The following C5AR2 variants were observed in gnomAD, a reference collection of about 807,000 sequenced individuals.
C5AR2 encodes C5a anaphylatoxin chemotactic receptor 2.
For missense variants in C5AR2, 458 were observed against 467.5 expected (o/e 0.98, Z 0.19); for synonymous variants, 224 against 216.5 (o/e 1.03, Z -0.30).
At chr19:47,338,262 G>A (rs1307950380) in intron 1 of C5AR2, among the ~76,000 whole-genome samples, 1 of 70,984 alleles carries the variant, frequency 1.4e-5, no homozygotes, top group African/African-American at 6.0e-5. Flanking sequence ...GCAAGATGGC[G>A]AGACCCTGTC....
chr19:47,341,628 G>T lies in C5AR2; in HGVS notation c.829G>T (p.Val277Leu), dbSNP rs758850692. ...GGCCCTGCGGGCTGAACCCCTCATCGTGGGCCTTGCCCTCGCTCACAGCTG... is the reference window on the plus strand; with the variant it reads ...GGCCCTGCGGGCTGAACCCCTCATCTTGGGCCTTGCCCTCGCTCACAGCTG... The part of the protein sequence containing the change: ...ARALRAEPLI[V>L]GLALAHSCLN... The change falls in exon 2 of 2, where the codon GTG (valine) becomes TTG (leucine). Residue 277 changes from valine (V) to leucine (L), a missense_variant. Physicochemically the swap from Val to Leu is conservative, Grantham distance 32 (BLOSUM62 1). Transcript: ENST00000595464. This position sits in a 1 kb window ranked among gnomAD's most constrained non-coding sequence, Gnocchi z 4.6. 1 of 1,613,968 alleles carries T rather than the reference G, an allele frequency of 6.2e-7. No individual in the cohort carries two copies. Among genetic ancestry groups the T allele is most frequent in the Non-Finnish European group, 8.5e-7 (1 of 1,179,992 alleles).
chr19:47,336,418 CTCTTTCTT>C (rs148272302), intron 1 of C5AR2, among the ~76,000 whole-genome samples: 1 of 105,006 alleles, frequency 9.5e-6, no homozygotes, highest in Non-Finnish European at 1.9e-5. Flanking sequence ...AAATGCTGTA[CTCTTTCTT>C]TCTTTCTTTC....
At chr19:47,335,771 C>T (rs544951212) in intron 1 of C5AR2, among the ~76,000 whole-genome samples, 4 of 23,030 alleles carry the variant, frequency 1.7e-4, no homozygotes, top group Non-Finnish European at 2.7e-4. Context: ...TACTCCGTCT[C>T]AAAAAAAAAA....
In C5AR2 at chr19:47,341,357, T is replaced by G; in HGVS notation, c.558T>G (p.Cys186Trp). 1.9e-6 allele frequency: 3 copies of G among 1,612,356 alleles called. No individual in the cohort carries two copies. Among genetic ancestry groups the G allele is most frequent in the Non-Finnish European group, 2.5e-6 (3 of 1,179,874 alleles). The change falls in exon 2 of 2, where the codon TGT (cysteine) becomes TGG (tryptophan). Residue 186 changes from cysteine to tryptophan, a missense_variant. Physicochemically the swap from Cys to Trp is radical, Grantham distance 215. Transcript: ENST00000595464. This position sits in a 1 kb window ranked among gnomAD's most constrained non-coding sequence, Gnocchi z 4.6. ...AGCACTTCCCAGCCCGGCTGCAGTG[T>G]GTGGTGGACTACGGCGGCTCCTCCA... The part of the protein sequence containing the change: ...HQEHFPARLQ[C>W]VVDYGGSSST...
chr19:47,345,164 T>G lies in C5AR2; in HGVS notation c.*3351T>G, dbSNP rs1030437430. Reference sequence around the variant, plus strand: ...CAGCTCCTGTTCAAGATGGAGTCACTCTGGTTCACATGCCTCTGACATTTC... The same window carrying G: ...CAGCTCCTGTTCAAGATGGAGTCACGCTGGTTCACATGCCTCTGACATTTC... On this transcript the variant is annotated 3_prime_UTR_variant, in exon 2 of 2. Transcript: ENST00000595464. The G allele has an allele frequency of 2.0e-5, 3 of 152,560 alleles. No individual in the cohort carries two copies. Among genetic ancestry groups the G allele is most frequent in the Non-Finnish European group, 4.4e-5 (3 of 68,374 alleles). 9.5% of individuals were successfully genotyped at this position (152,560 alleles called of 1,614,324 possible).
rs894249257 is a variant in C5AR2, at chr19:47,347,211, C to T, written c.*5398C>T. ...ATTAATAATTTCTCTAAGAACTAGT[C>T]TCAAGCTTGCTATACAATCCTATGG... On this transcript the variant is annotated 3_prime_UTR_variant, in exon 2 of 2. Coordinates refer to ENST00000595464, the MANE Select transcript of C5AR2 (RefSeq NM_001271749.2). The T allele has an allele frequency of 1.2e-4, 18 of 152,038 alleles. No individual in the cohort carries two copies. The highest frequency in any genetic ancestry group is 4.1e-4 in the African/African-American group (17 of 41,402). The allele number at this position is 152,038 out of a possible 1,614,324, so 9.4% of individuals were successfully genotyped here. A position where few individuals can be genotyped will look rare whatever the true frequency, so the allele number is the denominator to read the frequency against.
Position 47,341,494 on chromosome 19 carries a change from G to A in C5AR2, c.695G>A (p.Arg232Gln), listed in dbSNP as rs573493658. 3.0e-5 allele frequency: 49 copies of A among 1,611,750 alleles called. No individual in the cohort carries two copies. In the South Asian group the frequency reaches 3.1e-4, roughly 10 times the overall value. Residue 232 changes from arginine (R) to glutamine (Q), a missense_variant, in exon 2 of 2, where the codon CGG (arginine) becomes CAG (glutamine). By Grantham distance (43) the Arg-to-Gln change is conservative. Transcript: ENST00000595464. The surrounding 1 kb of genome is among the most constrained non-coding windows in gnomAD (Gnocchi z 4.6). ...CTGTGCTGGGCAGCCCGACGCTGCC[G>A]GCCGCTGGGCACAGCCATTGTGGTG... Reference protein sequence around the residue: ...ALLCWAARRCRPLGTAIVVGF... With the variant: ...ALLCWAARRCQPLGTAIVVGF...
rs1016076984 is a variant in C5AR2 at position 47,339,215 on chromosome 19, G to T, written c.-15-1570G>T. On this transcript the variant is annotated intron_variant, in intron 1 of 1. Coordinates refer to ENST00000595464, the MANE Select transcript of C5AR2 (RefSeq NM_001271749.2). Reference sequence around the variant, plus strand: ...CTTCCTTGCTCAGCACCCTCCTATAGCACCTGTCTCATTTGGAATAAATGA... The same window carrying T: ...CTTCCTTGCTCAGCACCCTCCTATATCACCTGTCTCATTTGGAATAAATGA... 2.6e-5 allele frequency among the ~76,000 whole-genome samples: 4 copies of T among 152,066 alleles called. No individual in the cohort carries two copies. The East Asian group carries it at 7.7e-4, about 29-fold the overall frequency.
intron 1 of C5AR2, among the ~76,000 whole-genome samples, chr19:47,335,539 G>A (rs1302544040): frequency 6.6e-6 from 1 of 151,560 alleles, no homozygotes; most frequent in Non-Finnish European, 1.5e-5. Context: ...TTGGGAGGCC[G>A]AGGTGGGCGG....
intron 1 of C5AR2, among the ~76,000 whole-genome samples, chr19:47,339,292 T>C (rs1211428424): frequency 6.6e-6 from 1 of 152,184 alleles, no homozygotes; most frequent in Non-Finnish European, 1.5e-5. Flanking sequence ...CCCTGATAAC[T>C]GTTTTTCATT....
chr19:47,334,581 C>T (rs528828531), intron 1 of C5AR2, among the ~76,000 whole-genome samples: 5 of 152,112 alleles, frequency 3.3e-5, no homozygotes, highest in East Asian at 3.9e-4. Context: ...TGTGGTGAGC[C>T]GAGGTTGAAC....
rs1274064954 is a variant in C5AR2, at chr19:47,340,877, C to T, written c.78C>T (p.Gly26=). The change falls in exon 2 of 2, where the codon GGC becomes GGT. Residue 26 remains glycine (G), a synonymous_variant. Transcript: ENST00000595464. ...ACCGCCCTGTGGACTGCCTGGATGG[C>T]GCCTGCCTGGCCATCGACCCGCTGC... The part of the protein sequence containing the change: ...LSDRPVDCLD[G]ACLAIDPLRV... The T allele has an allele frequency of 1.9e-6, 3 of 1,613,482 alleles. No individual in the cohort carries two copies. The highest frequency in any genetic ancestry group is 2.5e-6 in the Non-Finnish European group (3 of 1,179,982).
At chr19:47,337,611 G>A (rs2081067) in intron 1 of C5AR2, among the ~76,000 whole-genome samples, 51,636 of 151,586 alleles carry the variant, frequency 0.34, 11,225 homozygotes, top group African/African-American at 0.61. Flanking sequence ...GCAGTGAGCC[G>A]AGATTGCGTC....
rs34869990 is a variant in C5AR2 at position 47,338,656 on chromosome 19, A to AAATAATAATAATAATAAT, written c.-15-2113_-15-2096dup. Among the ~76,000 whole-genome samples, 420 of 131,684 alleles carry AAATAATAATAATAATAAT rather than the reference A, an allele frequency of 3.2e-3. 5 individuals are homozygous for AAATAATAATAATAATAAT. Among genetic ancestry groups the AAATAATAATAATAATAAT allele is most frequent in the East Asian group, 0.031 (135 of 4,404 alleles). 86.4% of individuals were successfully genotyped at this position (131,684 alleles called of 152,430 possible). A position where few individuals can be genotyped will look rare whatever the true frequency, so the allele number is the denominator to read the frequency against. ...ACATGGTGAAACCAGATGACCTCCA[A>AAATAATAATAATAATAAT]AATAATAATAATAATAATAATAATA... On this transcript the variant is annotated intron_variant, in intron 1 of 1. Transcript: ENST00000595464.
chr19:47,336,392 G>C (rs577615920), intron 1 of C5AR2, among the ~76,000 whole-genome samples: 23 of 150,848 alleles, frequency 1.5e-4, no homozygotes, highest in Middle Eastern at 3.5e-3. Flanking sequence ...GCCCGGCTAG[G>C]GGGGGTTCAG....
At chr19:47,338,275 T>TA (rs1337170158) in intron 1 of C5AR2, among the ~76,000 whole-genome samples, 173 of 2,782 alleles carry the variant, frequency 0.062, 1 homozygote, top group African/African-American at 0.23. Context: ...ACCCTGTCTC[T>TA]AAAAAAAATA....
At chr19:47,334,520 C>A (rs1225616810) in intron 1 of C5AR2, among the ~76,000 whole-genome samples, 3 of 151,550 alleles carry the variant, frequency 2.0e-5, no homozygotes, top group East Asian at 3.9e-4. Flanking sequence ...GTAGTCCCAG[C>A]TACTCCAGAG....
chr19:47,335,806 A>AAAAAAAAAAAAC (rs2059355451), intron 1 of C5AR2, among the ~76,000 whole-genome samples: 1 of 130,088 alleles, frequency 7.7e-6, no homozygotes, highest in South Asian at 2.7e-4. Flanking sequence ...AAAAAAAGAA[A>AAAAAAAAAAAAC]GTTTTCGTTT....
Position 47,344,432 on chromosome 19 carries a change from C to T in C5AR2, c.*2619C>T, listed in dbSNP as rs1969089804. The T allele has an allele frequency of 6.6e-6, 1 of 152,152 alleles. No homozygotes were observed. Among genetic ancestry groups the T allele is most frequent in the South Asian group, 2.1e-4 (1 of 4,830 alleles). The allele number at this position is 152,152 out of a possible 1,614,324, so 9.4% of individuals were successfully genotyped here. A position where few individuals can be genotyped will look rare whatever the true frequency, so the allele number is the denominator to read the frequency against. On this transcript the variant is annotated 3_prime_UTR_variant, in exon 2 of 2. Coordinates refer to ENST00000595464, the MANE Select transcript of C5AR2 (RefSeq NM_001271749.2). ...GAACAGCACTTCACATATAGTTTCTCCTTTAAGGTCATTCTCACAACAGCC... is the reference window on the plus strand; with the variant it reads ...GAACAGCACTTCACATATAGTTTCTTCTTTAAGGTCATTCTCACAACAGCC...
Sources: gnomAD v4.1 joint callset for allele counts (sites outside exome capture counted in the v4.1 genomes callset) on GRCh38, gnomAD v4.1.1 for gene constraint, Gnocchi (gnomAD v3.1) non-coding constraint, MANE v1.5 for transcripts, NCBI Gene and HGNC (gene_info 2026-07-23, HGNC 2026-07-21) for gene names.